The following CCNT2 variants were observed in gnomAD, a reference collection of about 807,000 sequenced individuals.
The protein encoded by CCNT2 is cyclin-T2.
In CCNT2, 18 loss-of-function variants were observed where a neutral mutation model predicts 70.0. The observed-to-expected ratio is 0.26, with a 90% CI of 0.18 to 0.38. The LOEUF (loss-of-function observed/expected upper bound fraction) is 0.38, where lower values mean the gene tolerates loss of function less well. Ranked by LOEUF, CCNT2 falls within the 10% of genes least tolerant of loss-of-function variation. The probability of loss-of-function intolerance (pLI) is 1.00; values close to 1 mark genes in which losing one functional copy is unlikely to be tolerated. For missense variants in CCNT2, 734 were observed against 890.2 expected, an observed-to-expected ratio of 0.82 and a Z score of 2.23; for synonymous variants, 334 against 313.3, an observed-to-expected ratio of 1.07 and a Z score of -0.70.
At chr2:134,930,542 A>C (rs769794193) in intron 2 of CCNT2, among the ~76,000 whole-genome samples, 2 of 152,220 alleles carry the variant, frequency 1.3e-5, no homozygotes, top group Non-Finnish European at 2.9e-5. Flanking sequence ...CTGGATTGGT[A>C]TGGTAACTTT....
intron 2 of CCNT2, among the ~76,000 whole-genome samples, chr2:134,927,739 T>G (rs1410886028): frequency 2.6e-5 from 4 of 152,184 alleles, no homozygotes. Flanking sequence ...TAACTGCATT[T>G]TATTATAAAC....
In CCNT2 at chr2:134,954,189, G is replaced by C. The variant is rs774421328; in HGVS notation, c.1734G>C (p.Ser578=). 3 of 1,614,090 alleles carry C rather than the reference G, an allele frequency of 1.9e-6. No homozygotes were observed. The highest frequency in any genetic ancestry group is 2.5e-6 in the Non-Finnish European group (3 of 1,179,990). The change falls in exon 9 of 9, where the codon TCG becomes TCC. Residue 578 remains serine, a synonymous_variant. Coordinates refer to ENST00000264157, the MANE Select transcript of CCNT2 (RefSeq NM_058241.3). ...HHTSSHKHSH[S]HSGSSSGGSK... ...CCAGCAGCCACAAGCATTCCCACTC[G>C]CATAGTGGCAGCAGCAGCGGTGGCA...
chr2:134,953,806 G>T lies in CCNT2; in HGVS notation c.1351G>T (p.Asp451Tyr). ...EKRKLETLDL[D>Y]VRDHYIAAQV... ...GCGTAAACTAGAAACTCTTGATCTC[G>T]ATGTAAGGGATCATTATATAGCTGC... Residue 451 changes from aspartate to tyrosine, a missense_variant, in exon 9 of 9, where the codon GAT (aspartate) becomes TAT (tyrosine). Around this residue, in one of 3 missense-constraint regions of CCNT2, gnomAD observed 532 missense variants for 556.9 expected, o/e 0.96. Coordinates refer to ENST00000264157, the MANE Select transcript of CCNT2 (RefSeq NM_058241.3). 2 of 1,613,484 alleles carry T rather than the reference G, an allele frequency of 1.2e-6. No individual in the cohort carries two copies. Among genetic ancestry groups the T allele is most frequent in the Non-Finnish European group, 1.7e-6 (2 of 1,179,482 alleles).
intron 2 of CCNT2, among the ~76,000 whole-genome samples, chr2:134,923,308 T>A (rs1680053122): frequency 6.6e-6 from 1 of 152,038 alleles, no homozygotes; most frequent in African/African-American, 2.4e-5. Flanking sequence ...ATAATAAAAA[T>A]AAATAAATTT....
rs773718969 is a variant in CCNT2, at chr2:134,936,702, C to T, written c.241-139C>T. 2.8e-4 allele frequency: 163 copies of T among 579,578 alleles called. 1 individual carries two copies. The highest frequency in any genetic ancestry group is 3.8e-4 in the Non-Finnish European group (133 of 349,230). 35.9% of individuals were successfully genotyped at this position (579,578 alleles called of 1,614,324 possible). On this transcript the variant is annotated intron_variant, in intron 2 of 8. Coordinates refer to ENST00000264157, the MANE Select transcript of CCNT2 (RefSeq NM_058241.3). ...CTGGGAGGTGGAGCTTTCAGTGAGCCGAGATCACACCACTGCACTCCAGCC... is the reference window on the plus strand; with the variant it reads ...CTGGGAGGTGGAGCTTTCAGTGAGCTGAGATCACACCACTGCACTCCAGCC...
chr2:134,943,323 C>A, intron 5 of CCNT2: 1 of 539,908 alleles, frequency 1.9e-6, no homozygotes, highest in Non-Finnish European at 2.4e-6. Flanking sequence ...ATGGCTTGAG[C>A]CCAGTAGTTG....
intron 2 of CCNT2, among the ~76,000 whole-genome samples, chr2:134,929,611 A>AAAAGAGAGAGAGAG (rs1680575317): frequency 2.0e-5 from 1 of 50,112 alleles, no homozygotes; most frequent in Admixed American, 3.0e-4. Flanking sequence ...CTGTCTCAAA[A>AAAAGAGAGAGAGAG]ACAGAGAGAG....
chr2:134,952,907 A>C (rs979852299), intron 8 of CCNT2, 196 bp downstream of exon 8: 1 of 495,388 alleles, frequency 2.0e-6, no homozygotes, highest in Non-Finnish European at 3.6e-6. Flanking sequence ...CTTTTAAAAA[A>C]TTTTTTGCAG....
Position 134,957,932 on chromosome 2 carries a change from C to G in CCNT2, c.*3284C>G, listed in dbSNP as rs906313060. The G allele has an allele frequency of 6.6e-6, 1 of 152,182 alleles. No individual in the cohort carries two copies. The highest frequency in any genetic ancestry group is 2.4e-5 in the African/African-American group (1 of 41,442). 9.4% of individuals were successfully genotyped at this position (152,182 alleles called of 1,614,324 possible). A position where few individuals can be genotyped will look rare whatever the true frequency, so the allele number is the denominator to read the frequency against. On this transcript the variant is annotated 3_prime_UTR_variant, in exon 9 of 9. Coordinates refer to ENST00000264157, the MANE Select transcript of CCNT2 (RefSeq NM_058241.3). The stretch of plus-strand genomic sequence containing the variant: ...ATACCTAATTTTTTTGGCCTATCCT[C>G]TTTGAACTAGAAATGACTACTTGAG...
At chr2:134,949,367 C>G (rs79471057) in intron 7 of CCNT2, among the ~76,000 whole-genome samples, 171 of 152,318 alleles carry the variant, frequency 1.1e-3, no homozygotes, top group African/African-American at 3.9e-3. Flanking sequence ...AACTATACAA[C>G]TATACCATTG....
In CCNT2 at chr2:134,959,244, A is replaced by G. The variant is rs1683079566; in HGVS notation, c.*4596A>G. Reference sequence around the variant, plus strand: ...TGAACAGGATGTTTGCTAATAGAAAATCTAAAACAGGAATATGTGTATATG... The same window carrying G: ...TGAACAGGATGTTTGCTAATAGAAAGTCTAAAACAGGAATATGTGTATATG... On this transcript the variant is annotated 3_prime_UTR_variant, in exon 9 of 9. Coordinates refer to ENST00000264157, the MANE Select transcript of CCNT2 (RefSeq NM_058241.3). The G allele has an allele frequency of 6.6e-6, 1 of 152,222 alleles. No homozygotes were observed. Among genetic ancestry groups the G allele is most frequent in the South Asian group, 2.1e-4 (1 of 4,830 alleles). 9.4% of individuals were successfully genotyped at this position (152,222 alleles called of 1,614,324 possible). A position where few individuals can be genotyped will look rare whatever the true frequency, so the allele number is the denominator to read the frequency against.
intron 1 of CCNT2, 136 bp from the exon 2 acceptor site, chr2:134,919,673 AT>A: frequency 1.6e-6 from 1 of 621,258 alleles, no homozygotes. Flanking sequence ...CCCCGCGGGC[AT>A]TTATTTCTTT....
In CCNT2 at chr2:134,953,514, A is replaced by G; in HGVS notation, c.1059A>G (p.Gln353=). 1.2e-6 allele frequency: 2 copies of G among 1,614,232 alleles called. No individual in the cohort carries two copies. The highest frequency in any genetic ancestry group is 1.6e-4 in the Middle Eastern group (1 of 6,062). ...YGLSSHQEWP[Q]HQDSARTEQL... is the part of the protein sequence containing the mutation. The stretch of plus-strand genomic sequence containing the variant: ...TATCATCACACCAGGAATGGCCTCA[A>G]CATCAAGACTCAGCAAGGACAGAAC... The change falls in exon 9 of 9, where the codon CAA becomes CAG. Residue 353 remains glutamine, a synonymous_variant. Transcript: ENST00000264157.
Position 134,949,045 on chromosome 2 carries a change from G to C in CCNT2, c.703+1146G>C, listed in dbSNP as rs565194039. Among the ~76,000 whole-genome samples, 29 of 149,226 alleles carry C rather than the reference G, an allele frequency of 1.9e-4. 2 individuals carry two copies. Among genetic ancestry groups the C allele is most frequent in the Middle Eastern group, 7.7e-3 (2 of 260 alleles). Reference sequence around the variant, plus strand: ...TTGTGTTGTTTTGTTTTTTGAGACAGATACTCACTCTGCCCCCCAAGCTGG... The same window carrying C: ...TTGTGTTGTTTTGTTTTTTGAGACACATACTCACTCTGCCCCCCAAGCTGG... On this transcript the variant is annotated intron_variant, in intron 7 of 8. Transcript: ENST00000264157.
rs1225955174 is a variant in CCNT2 at position 134,947,622 on chromosome 2, C to CT, written c.540-113dup. On this transcript the variant is annotated intron_variant, in intron 6 of 8. Transcript: ENST00000264157. Reference sequence around the variant, plus strand: ...ATTTAATAAAATAAGGTTTTATACTCTAGACTTAAAGATAGAGTTTAAATT... The same window carrying CT: ...ATTTAATAAAATAAGGTTTTATACTCTTAGACTTAAAGATAGAGTTTAAATT... 7.6e-6 allele frequency: 5 copies of CT among 656,534 alleles called. No individual in the cohort carries two copies. The African/African-American group carries it at 9.3e-5, about 12-fold the overall frequency. 40.7% of individuals were successfully genotyped at this position (656,534 alleles called of 1,614,324 possible). A position where few individuals can be genotyped will look rare whatever the true frequency, so the allele number is the denominator to read the frequency against.
Position 134,954,537 on chromosome 2 carries a change from CAACGGTCCTG to C in CCNT2, c.2084_2093del (p.Asn695MetfsTer26). 1 of 1,614,032 alleles carries C rather than the reference CAACGGTCCTG, an allele frequency of 6.2e-7. No individual in the cohort carries two copies. The highest frequency in any genetic ancestry group is 8.5e-7 in the Non-Finnish European group (1 of 1,179,910). On this transcript the variant is annotated frameshift_variant, in exon 9 of 9. Coordinates refer to ENST00000264157, the MANE Select transcript of CCNT2 (RefSeq NM_058241.3). LOFTEE classifies it high-confidence loss of function. ...AACTGGACAAGAAGCCAGTGGAGAC[CAACGGTCCTG>C]ATGCCAATCACGAGTACAGTACAAG...
At chr2:134,924,269 G>A (rs1680118425) in intron 2 of CCNT2, among the ~76,000 whole-genome samples, 1 of 152,130 alleles carries the variant, frequency 6.6e-6, no homozygotes. Flanking sequence ...ACATATATGA[G>A]ATGAGTGTTT....
intron 2 of CCNT2, among the ~76,000 whole-genome samples, chr2:134,927,985 G>T (rs949191401): frequency 6.6e-6 from 1 of 152,172 alleles, no homozygotes. Flanking sequence ...GAAAAGAAAT[G>T]GATGAGAACT....
chr2:134,934,637 A>C (rs1681020474), intron 2 of CCNT2, among the ~76,000 whole-genome samples: 1 of 152,218 alleles, frequency 6.6e-6, no homozygotes, highest in African/African-American at 2.4e-5. Context: ...GCCTTGATGG[A>C]GGAAAATATT....
Sources: allele counts gnomAD v4.1 joint callset (sites outside exome capture counted in the v4.1 genomes callset), GRCh38; gene constraint gnomAD v4.1.1; regional missense constraint gnomAD v4.1.1; transcripts MANE v1.5; gene names NCBI Gene and HGNC (gene_info 2026-07-23, HGNC 2026-07-21).